PRKN: variants seen among roughly 807,000 people sequenced by gnomAD.
PRKN encodes parkin RBR E3 ubiquitin protein ligase.
Under a neutral mutation model 59.5 loss-of-function variants are expected in PRKN, and 56 were observed. The ratio of observed to expected loss-of-function variants is 0.94; its 90% CI spans 0.76 to 1.18. The LOEUF is 1.18. Ranked by LOEUF, PRKN falls within the 50% of genes most tolerant of loss-of-function variation. The probability of loss-of-function intolerance (pLI) is 0.00; values close to 1 mark genes in which losing one functional copy is unlikely to be tolerated. For missense variants in PRKN, 657 were observed against 596.4 expected, an observed-to-expected ratio of 1.10 and a Z score of -1.06; for synonymous variants, 250 against 222.1, an observed-to-expected ratio of 1.13 and a Z score of -1.12.
intron 4 of PRKN, among the ~76,000 whole-genome samples, chr6:162,072,458 A>C (rs1383365957): frequency 1.3e-5 from 2 of 152,170 alleles, no homozygotes; most frequent in African/African-American, 4.8e-5. Context: ...GAACAGAAGA[A>C]AATTCCACAA....
In PRKN at chr6:162,152,920, G is replaced by A. The variant is rs62437978; in HGVS notation, c.534+48211C>T. Among the ~76,000 whole-genome samples, 1,344 of 152,268 alleles carry A rather than the reference G, an allele frequency of 8.8e-3. 22 individuals carry two copies. The highest frequency in any genetic ancestry group is 0.031 in the Middle Eastern group (9 of 294). On this transcript the variant is annotated intron_variant, in intron 4 of 11. Transcript: ENST00000366898. The stretch of plus-strand genomic sequence containing the variant: ...GGTTTAAAATGCACTGCTTTAATTT[G>A]TCTCAAAATGTGTTCCACAAAAAAG...
intron 7 of PRKN, among the ~76,000 whole-genome samples, chr6:161,781,577 A>G (rs1325694149): frequency 2.6e-5 from 4 of 152,212 alleles, no homozygotes; most frequent in Non-Finnish European, 5.9e-5. Flanking sequence ...ATTCTTTTCA[A>G]GGAGGTTGTT....
chr6:161,629,611 C>T (rs1280353609), intron 7 of PRKN, among the ~76,000 whole-genome samples: 5 of 152,168 alleles, frequency 3.3e-5, no homozygotes, highest in South Asian at 2.1e-4. Flanking sequence ...CTGTCTTGCC[C>T]TTCCCAGGCT....
At chr6:162,115,779 A>G (rs544959937) in intron 4 of PRKN, among the ~76,000 whole-genome samples, 2 of 152,102 alleles carry the variant, frequency 1.3e-5, no homozygotes, top group East Asian at 3.9e-4. Context: ...TCTGAAGTAG[A>G]CTCCCTACTT....
chr6:161,628,214 G>C (rs535000285), intron 7 of PRKN, among the ~76,000 whole-genome samples: 1 of 152,156 alleles, frequency 6.6e-6, no homozygotes, highest in Admixed American at 6.5e-5. Context: ...CAATTAATTT[G>C]GTTTGAAGAA....
At chr6:161,524,613 T>C (rs1353064981) in intron 9 of PRKN, among the ~76,000 whole-genome samples, 11 of 152,142 alleles carry the variant, frequency 7.2e-5, no homozygotes, top group Non-Finnish European at 1.2e-4. Flanking sequence ...ATAGTTTAAA[T>C]TGAAGGTTTT....
intron 7 of PRKN, among the ~76,000 whole-genome samples, chr6:161,609,031 T>C (rs1200712388): frequency 6.6e-6 from 1 of 152,186 alleles, no homozygotes; most frequent in East Asian, 1.9e-4. Flanking sequence ...AGACAGTAGC[T>C]GCTCACTCCT....
rs529367131 is a variant in PRKN, at chr6:162,195,246, C to A, written c.534+5885G>T. ...CGTAATGCCTCCTCCACTGTGCTTT[C>A]AAAGCACTGAAACGCCTGATAACCA... is the stretch of plus-strand genomic sequence containing the variant. On this transcript the variant is annotated intron_variant, in intron 4 of 11. Transcript: ENST00000366898. 5.3e-5 allele frequency among the ~76,000 whole-genome samples: 8 copies of A among 152,288 alleles called. 1 individual carries two copies. The highest frequency in any genetic ancestry group is 1.9e-4 in the African/African-American group (8 of 41,556).
chr6:161,732,485 T>TGTGTGTGTGTGTG, intron 7 of PRKN, among the ~76,000 whole-genome samples: 1 of 146,506 alleles, frequency 6.8e-6, no homozygotes, highest in African/African-American at 2.5e-5. Context: ...TTTTTTTTTT[T>TGTGTGTGTGTGTG]TGTGTGTGTG....
chr6:161,894,537 G>C (rs1201564792), intron 6 of PRKN, among the ~76,000 whole-genome samples: 5 of 152,086 alleles, frequency 3.3e-5, no homozygotes, highest in African/African-American at 1.2e-4. Flanking sequence ...TTAGTGCTTT[G>C]CTTGGACCTT....
intron 2 of PRKN, among the ~76,000 whole-genome samples, chr6:162,328,360 G>C (rs915264814): frequency 1.3e-5 from 2 of 152,070 alleles, no homozygotes; most frequent in African/African-American, 4.8e-5. Flanking sequence ...GTGAGATTCC[G>C]TCTCAAAAAA....
At chr6:162,359,665 C>T (rs1785051820) in intron 2 of PRKN, among the ~76,000 whole-genome samples, 1 of 151,388 alleles carries the variant, frequency 6.6e-6, no homozygotes, top group African/African-American at 2.4e-5. Flanking sequence ...CCAGTATTTC[C>T]CAAAATGTCT....
At chr6:162,371,651 C>A (rs140075209) in intron 2 of PRKN, among the ~76,000 whole-genome samples, 3 of 152,074 alleles carry the variant, frequency 2.0e-5, no homozygotes, top group South Asian at 2.1e-4. Context: ...TAAAACTTAG[C>A]GATTATTATT....
intron 6 of PRKN, among the ~76,000 whole-genome samples, chr6:161,872,164 C>A (rs910261159): frequency 1.3e-5 from 2 of 152,082 alleles, no homozygotes; most frequent in African/African-American, 4.8e-5. Flanking sequence ...AGGGTAAGTG[C>A]ATGAGGAACT....
chr6:161,711,400 T>C (rs190911493), intron 7 of PRKN, among the ~76,000 whole-genome samples: 85 of 152,318 alleles, frequency 5.6e-4, no homozygotes, highest in African/African-American at 1.9e-3. Flanking sequence ...GCATTGTATG[T>C]CTATGACTGT....
rs1781330876 is a variant in PRKN, at chr6:161,581,296, T to C, written c.872-11880A>G. Among the ~76,000 whole-genome samples the C allele has an allele frequency of 6.6e-6, 1 of 152,212 alleles. No individual in the cohort carries two copies. The highest frequency in any genetic ancestry group is 1.5e-5 in the Non-Finnish European group (1 of 68,042). On this transcript the variant is annotated intron_variant, in intron 7 of 11. Coordinates refer to ENST00000366898, the MANE Select transcript of PRKN (RefSeq NM_004562.3). This position sits in a 1 kb window ranked among gnomAD's most constrained non-coding sequence, Gnocchi z 4.5. ...GTAAAGCTACTGCAGTGAAAGAACC[T>C]GTCAAAGGTCATTTCACTACTTCTG...
At chr6:162,263,733 A>G (rs1436910512) in intron 2 of PRKN, among the ~76,000 whole-genome samples, 2 of 147,962 alleles carry the variant, frequency 1.4e-5, no homozygotes. Flanking sequence ...GTGGGTGGAT[A>G]GCCTGAGGTC....
intron 8 of PRKN, among the ~76,000 whole-genome samples, chr6:161,565,203 T>C (rs1379536504): frequency 6.6e-6 from 1 of 152,174 alleles, no homozygotes; most frequent in Non-Finnish European, 1.5e-5. Flanking sequence ...CTTGTTTTTG[T>C]TACATTTTGA....
chr6:161,892,331 C>A (rs73022509), intron 6 of PRKN, among the ~76,000 whole-genome samples: 221 of 149,900 alleles, frequency 1.5e-3, no homozygotes, highest in Middle Eastern at 3.4e-3. Flanking sequence ...TTAGAGAGAC[C>A]AAAGCAAGAG....
Sources: gnomAD v4.1 joint callset for allele counts (sites outside exome capture counted in the v4.1 genomes callset) on GRCh38, gnomAD v4.1.1 for gene constraint, Gnocchi (gnomAD v3.1) non-coding constraint, MANE v1.5 for transcripts, NCBI Gene and HGNC (gene_info 2026-07-23, HGNC 2026-07-21) for gene names.